The following ZNF592 variants were observed in gnomAD, a reference collection of about 807,000 sequenced individuals.
The protein encoded by ZNF592 is zinc finger protein 592, also known as spinocerebellar ataxia, autosomal recessive 5.
A neutral mutation model predicts 80.3 loss-of-function variants in ZNF592; 11 were observed. The observed-to-expected ratio is 0.14, with a 90% CI of 0.09 to 0.23. The LOEUF is 0.23. ZNF592 is among the 10% of genes least tolerant of loss of function. The pLI, the probability that ZNF592 is intolerant of heterozygous loss-of-function variation, is 1.00. For synonymous variants in ZNF592, 646 were observed against 640.3 expected, an observed-to-expected ratio of 1.01 and a Z score of -0.13; for missense variants, 1,420 against 1,633.9, an observed-to-expected ratio of 0.87 and a Z score of 2.26.
intron 2 of ZNF592, among the ~76,000 whole-genome samples, chr15:84,765,041 A>T (rs1268302010): frequency 6.6e-6 from 1 of 152,130 alleles, no homozygotes; most frequent in Non-Finnish European, 1.5e-5. Flanking sequence ...ATCATCTCAT[A>T]CTAAAACTCT....
rs369860857 is a variant in ZNF592 at position 84,763,353 on chromosome 15, G to A, written c.-258-1354G>A. On this transcript the variant is annotated intron_variant, in intron 1 of 10. Transcript: ENST00000560079. ...CATTCTGCATCCAAACTGCATGATT[G>A]CGCATGTGAGAGAGACTGTCTGGAT... Among the ~76,000 whole-genome samples, 5 of 152,366 alleles carry A rather than the reference G, an allele frequency of 3.3e-5. No homozygotes were observed. The East Asian group carries it at 9.6e-4, about 29-fold the overall frequency.
At chr15:84,759,161 G>T (rs1899270473) in intron 1 of ZNF592, among the ~76,000 whole-genome samples, 1 of 152,098 alleles carries the variant, frequency 6.6e-6, no homozygotes, top group Non-Finnish European at 1.5e-5. Flanking sequence ...CAGAGTTGGT[G>T]CTCTGTAGAG....
At position 84,784,111 on chromosome 15, in the gene ZNF592, C is replaced by T. The variant is rs1439889849; in HGVS notation, c.1436C>T (p.Thr479Ile). 1.9e-6 allele frequency: 3 copies of T among 1,614,070 alleles called. No individual in the cohort carries two copies. In the African/African-American group the frequency reaches 4.0e-5, roughly 22 times the overall value. The change falls in exon 4 of 11, where the codon ACA becomes ATA. Residue 479 changes from threonine to isoleucine, a missense_variant. Physicochemically the swap from Thr to Ile is moderately conservative, Grantham distance 89 (BLOSUM62 -1). Around this residue, in one of 7 missense-constraint regions of ZNF592, gnomAD observed 524 missense variants for 628.3 expected, o/e 0.83. Transcript: ENST00000560079. The surrounding 1 kb of genome is among the most constrained non-coding windows in gnomAD (Gnocchi z 5.8). Reference sequence around the variant, plus strand: ...AAGGGGGCTGCCCCAGGCTCACAGACAGGCAAGAAGCAACAGAGCACAGCA... The same window carrying T: ...AAGGGGGCTGCCCCAGGCTCACAGATAGGCAAGAAGCAACAGAGCACAGCA... ...VPKGAAPGSQ[T>I]GKKQQSTALQ...
chr15:84,775,619 G>A (rs1373843541), intron 2 of ZNF592, among the ~76,000 whole-genome samples: 1 of 151,936 alleles, frequency 6.6e-6, no homozygotes, highest in Admixed American at 6.6e-5. Flanking sequence ...TTTTAGTAGA[G>A]ATGAGGTTTT....
intron 3 of ZNF592, among the ~76,000 whole-genome samples, chr15:84,778,996 C>T (rs192440752): frequency 2.0e-5 from 3 of 151,994 alleles, no homozygotes; most frequent in African/African-American, 7.2e-5. Flanking sequence ...CAGGGACACA[C>T]GTGGAGTGGT....
rs1567069544 is a variant in ZNF592, at chr15:84,783,451, C to T, written c.776C>T (p.Ala259Val). ...AGTATTGGAGAGTCCAAGGGGCTTG[C>T]CCGGGAGCTTGGTACCTGCTCATCA... The part of the protein sequence containing the change: ...SNSIGESKGL[A>V]RELGTCSSVP... The change falls in exon 4 of 11, where the codon GCC becomes GTC. Residue 259 changes from alanine to valine, a missense_variant. Ala to Val is a moderately conservative substitution (Grantham distance 64). Coordinates refer to ENST00000560079, the MANE Select transcript of ZNF592 (RefSeq NM_014630.3). The surrounding 1 kb of genome is among the most constrained non-coding windows in gnomAD (Gnocchi z 5.0). 3 of 1,614,202 alleles carry T rather than the reference C, an allele frequency of 1.9e-6. No individual in the cohort carries two copies. Among genetic ancestry groups the T allele is most frequent in the Non-Finnish European group, 2.5e-6 (3 of 1,180,038 alleles).
chr15:84,750,030 G>C (rs141598924), intron 1 of ZNF592, among the ~76,000 whole-genome samples: 2,625 of 152,322 alleles, frequency 0.017, 76 homozygotes, highest in African/African-American at 0.06. Context: ...GGCCGGGCGC[G>C]GTGGCTCGCG....
intron 5 of ZNF592, among the ~76,000 whole-genome samples, chr15:84,793,220 G>A (rs1962801605): frequency 1.3e-5 from 2 of 152,048 alleles, no homozygotes; most frequent in African/African-American, 2.4e-5. Flanking sequence ...GGGATTATAG[G>A]CATGTGCCAC....
chr15:84,768,579 C>T (rs765008781), intron 2 of ZNF592, among the ~76,000 whole-genome samples: 2 of 152,078 alleles, frequency 1.3e-5, no homozygotes, highest in Non-Finnish European at 2.9e-5. Context: ...CACCCTGTAC[C>T]TACCTCTTCC....
Position 84,800,304 on chromosome 15 carries a change from C to T in ZNF592, c.3273+327C>T, listed in dbSNP as rs868417069. On this transcript the variant is annotated intron_variant, in intron 10 of 10. Coordinates refer to ENST00000560079, the MANE Select transcript of ZNF592 (RefSeq NM_014630.3). Reference sequence around the variant, plus strand: ...TTTCTGCTTCACAGCAGTCCTGAGGCGGGAGCACACAGGACTACCTTGTCA... The same window carrying T: ...TTTCTGCTTCACAGCAGTCCTGAGGTGGGAGCACACAGGACTACCTTGTCA... 2.0e-5 allele frequency among the ~76,000 whole-genome samples: 3 copies of T among 152,152 alleles called. No individual in the cohort carries two copies. The East Asian group carries it at 5.8e-4, about 29-fold the overall frequency.
chr15:84,749,633 C>T (rs145719973), intron 1 of ZNF592, among the ~76,000 whole-genome samples: 28 of 152,212 alleles, frequency 1.8e-4, no homozygotes, highest in African/African-American at 6.5e-4. Flanking sequence ...TATGGTTTGC[C>T]CACTTGAGTT....
chr15:84,792,728 C>T (rs1232835947), intron 5 of ZNF592, among the ~76,000 whole-genome samples: 4 of 152,202 alleles, frequency 2.6e-5, no homozygotes, highest in African/African-American at 9.7e-5. Flanking sequence ...GTTGGGATTA[C>T]AGGCGTGAGC....
rs150882043 is a variant in ZNF592, at chr15:84,761,264, C to T, written c.-258-3443C>T. The stretch of plus-strand genomic sequence containing the variant: ...TACAGGCATGAACCACCATGCCCGG[C>T]CCAGGGAGTTTTTGAGCAGAGTAAG... On this transcript the variant is annotated intron_variant, in intron 1 of 10. Transcript: ENST00000560079. Among the ~76,000 whole-genome samples, 603 of 152,264 alleles carry T rather than the reference C, an allele frequency of 4.0e-3. 2 individuals carry two copies. Among genetic ancestry groups the T allele is most frequent in the African/African-American group, 0.014 (572 of 41,536 alleles).
intron 2 of ZNF592, among the ~76,000 whole-genome samples, chr15:84,765,282 G>A (rs920905698): frequency 1.3e-5 from 2 of 152,088 alleles, no homozygotes; most frequent in Non-Finnish European, 1.5e-5. Context: ...ATAGATACTT[G>A]GGTTACTTCC....
At chr15:84,769,066 G>C (rs1235623947) in intron 2 of ZNF592, among the ~76,000 whole-genome samples, 1 of 152,032 alleles carries the variant, frequency 6.6e-6, no homozygotes, top group Non-Finnish European at 1.5e-5. Flanking sequence ...TCAGCCTCCT[G>C]AGTAGCTGGG....
Position 84,798,902 on chromosome 15 carries a change from C to T in ZNF592, c.3024+27C>T. 1 of 1,598,144 alleles carries T rather than the reference C, an allele frequency of 6.3e-7. No homozygotes were observed. The highest frequency in any genetic ancestry group is 8.5e-7 in the Non-Finnish European group (1 of 1,179,248). The stretch of plus-strand genomic sequence containing the variant: ...TAAGTGCAGCCACACAGTCATAATG[C>T]AGAGCCCAGTCCTCTGGACTTCCTT... On this transcript the variant is annotated intron_variant, in intron 8 of 10. Transcript: ENST00000560079. The surrounding 1 kb of genome is among the most constrained non-coding windows in gnomAD (Gnocchi z 4.5).
intron 3 of ZNF592, among the ~76,000 whole-genome samples, chr15:84,779,314 A>T (rs911008996): frequency 6.6e-6 from 1 of 152,050 alleles, no homozygotes; most frequent in African/African-American, 2.4e-5. Context: ...ATTAATTTCT[A>T]TTTAAAAACA....
chr15:84,775,333 C>T (rs373362605), intron 2 of ZNF592, among the ~76,000 whole-genome samples: 14 of 152,044 alleles, frequency 9.2e-5, no homozygotes, highest in Non-Finnish European at 1.6e-4. Context: ...TGACCTCAAG[C>T]GATCTGCCCA....
intron 4 of ZNF592, among the ~76,000 whole-genome samples, chr15:84,786,734 G>A (rs1962594078): frequency 2.0e-5 from 3 of 151,816 alleles, no homozygotes; most frequent in African/African-American, 4.8e-5. Context: ...GCATGGTTGA[G>A]TTGGGCCAGG....
Sources: allele counts gnomAD v4.1 joint callset (sites outside exome capture counted in the v4.1 genomes callset), GRCh38; gene constraint gnomAD v4.1.1; regional missense constraint gnomAD v4.1.1; non-coding constraint Gnocchi (gnomAD v3.1); transcripts MANE v1.5; gene names NCBI Gene and HGNC (gene_info 2026-07-23, HGNC 2026-07-21).